PPM1L: variants seen among roughly 807,000 people sequenced by gnomAD.
PPM1L encodes the protein protein phosphatase, Mg2+/Mn2+ dependent 1L.
Under a neutral mutation model 31.4 loss-of-function variants are expected in PPM1L, and 13 were observed. That is an observed-to-expected ratio of 0.41 (90% CI 0.27 to 0.66). The LOEUF (loss-of-function observed/expected upper bound fraction) is 0.66, where lower values mean the gene tolerates loss of function less well. PPM1L is among the 30% of genes least tolerant of loss of function. The pLI, the probability that PPM1L is intolerant of heterozygous loss-of-function variation, is 0.29. For missense variants in PPM1L, 326 were observed against 453.7 expected (o/e 0.72, Z 2.56); for synonymous variants, 184 against 175.4 (o/e 1.05, Z -0.39).
chr3:160,777,147 AC>A (rs966931996), intron 1 of PPM1L, among the ~76,000 whole-genome samples: 24 of 151,864 alleles, frequency 1.6e-4, no homozygotes, highest in African/African-American at 5.8e-4. Context: ...ACAGAGTGAG[AC>A]CTCATCTCTA....
intron 1 of PPM1L, among the ~76,000 whole-genome samples, chr3:160,770,022 G>A (rs1380751363): frequency 1.3e-5 from 2 of 152,110 alleles, no homozygotes; most frequent in Non-Finnish European, 2.9e-5. Context: ...ACTATAAACT[G>A]ATTACAATGA....
intron 2 of PPM1L, among the ~76,000 whole-genome samples, chr3:160,978,553 G>A (rs1193385571): frequency 2.0e-5 from 3 of 152,184 alleles, no homozygotes; most frequent in Non-Finnish European, 2.9e-5. Context: ...CTGAGGGCCA[G>A]GCACAGTGGC....
chr3:160,791,950 T>C (rs1712120034), intron 1 of PPM1L, among the ~76,000 whole-genome samples: 1 of 152,154 alleles, frequency 6.6e-6, no homozygotes, highest in Non-Finnish European at 1.5e-5. Flanking sequence ...TCTTGAGGGA[T>C]CTCATTGGCT....
At position 160,875,740 on chromosome 3, in the gene PPM1L, A is replaced by G. The variant is rs565390691; in HGVS notation, c.400-85996A>G. ...TAGGTGAAGAAACACATTTAGGTTA[A>G]GTAAAACTTTCCCAGGTCACATAGC... On this transcript the variant is annotated intron_variant, in intron 1 of 3. Coordinates refer to ENST00000498165, the MANE Select transcript of PPM1L (RefSeq NM_139245.4). 5.3e-5 allele frequency among the ~76,000 whole-genome samples: 8 copies of G among 152,332 alleles called. No individual in the cohort carries two copies. The South Asian group carries it at 1.5e-3, about 28-fold the overall frequency.
At chr3:160,846,461 A>T (rs985529303) in intron 1 of PPM1L, among the ~76,000 whole-genome samples, 13 of 152,138 alleles carry the variant, frequency 8.5e-5, no homozygotes, top group Admixed American at 3.3e-4. Context: ...TTTTCCAGTC[A>T]TGCTTTATAC....
chr3:160,776,631 TCTCA>T (rs964690709), intron 1 of PPM1L, among the ~76,000 whole-genome samples: 5 of 144,716 alleles, frequency 3.5e-5, no homozygotes, highest in African/African-American at 1.3e-4. Context: ...GGAGACAGAG[TCTCA>T]CTCAGTCGCC....
chr3:160,815,321 T>C (rs78133279), intron 1 of PPM1L, among the ~76,000 whole-genome samples: 2,074 of 152,300 alleles, frequency 0.014, 51 homozygotes, highest in African/African-American at 0.048. Flanking sequence ...CACTCCAGCA[T>C]AAATGCTGTC....
rs903138715 is a variant in PPM1L at position 160,842,142 on chromosome 3, T to C, written c.399+85435T>C. Reference sequence around the variant, plus strand: ...CAGGGTTTCAGAAGGAGAGAGATTTTGTGTGCGTGCATCCTGAAATAGTTG... The same window carrying C: ...CAGGGTTTCAGAAGGAGAGAGATTTCGTGTGCGTGCATCCTGAAATAGTTG... On this transcript the variant is annotated intron_variant, in intron 1 of 3. Transcript: ENST00000498165. 32 of 640,408 alleles carry C rather than the reference T, an allele frequency of 5.0e-5. 1 individual carries two copies. The South Asian group carries it at 5.5e-4, about 11-fold the overall frequency. 39.7% of individuals were successfully genotyped at this position (640,408 alleles called of 1,614,324 possible). A position where few individuals can be genotyped will look rare whatever the true frequency, so the allele number is the denominator to read the frequency against.
chr3:160,949,356 A>G (rs1220206020), intron 1 of PPM1L, among the ~76,000 whole-genome samples: 1 of 152,190 alleles, frequency 6.6e-6, no homozygotes, highest in Non-Finnish European at 1.5e-5. Flanking sequence ...AATAATACAA[A>G]AATATTTGAA....
chr3:160,888,192 TA>T (rs1391173372), intron 1 of PPM1L, among the ~76,000 whole-genome samples: 1 of 152,124 alleles, frequency 6.6e-6, no homozygotes, highest in Non-Finnish European at 1.5e-5. Flanking sequence ...ATACTAACCT[TA>T]AATGTAAATG....
intron 1 of PPM1L, among the ~76,000 whole-genome samples, chr3:160,802,900 A>C (rs780157050): frequency 4.6e-5 from 7 of 152,194 alleles, no homozygotes; most frequent in Admixed American, 1.3e-4. Flanking sequence ...CTCACTACTC[A>C]TGTCACTGGT....
At chr3:160,966,896 A>G (rs909429191) in intron 2 of PPM1L, among the ~76,000 whole-genome samples, 1 of 152,082 alleles carries the variant, frequency 6.6e-6, no homozygotes. Flanking sequence ...AGGTTCAATA[A>G]TGTTTTTTAT....
intron 1 of PPM1L, among the ~76,000 whole-genome samples, chr3:160,786,872 A>C (rs1052492104): frequency 6.6e-6 from 1 of 152,014 alleles, no homozygotes; most frequent in Non-Finnish European, 1.5e-5. Context: ...TTCTCTGTTA[A>C]TTTGATTAGG....
intron 1 of PPM1L, among the ~76,000 whole-genome samples, chr3:160,937,625 A>T (rs1481968610): frequency 6.6e-6 from 1 of 151,988 alleles, no homozygotes; most frequent in Non-Finnish European, 1.5e-5. Context: ...GTCTCAAAAA[A>T]AAACAAAAAA....
chr3:160,941,507 A>T (rs1715161813), intron 1 of PPM1L, among the ~76,000 whole-genome samples: 1 of 152,222 alleles, frequency 6.6e-6, no homozygotes, highest in East Asian at 1.9e-4. Flanking sequence ...CATGATAGTG[A>T]ATAAGTCTCA....
intron 2 of PPM1L, among the ~76,000 whole-genome samples, chr3:160,985,791 T>A (rs1447984038): frequency 6.6e-6 from 1 of 152,050 alleles, no homozygotes. Flanking sequence ...CTAAAAATAT[T>A]TTTTTTTCAT....
rs1718248941 is a variant in PPM1L, at chr3:161,022,072, T to C, written c.575-43331T>C. 5.1e-6 allele frequency: 3 copies of C among 593,996 alleles called. No homozygotes were observed. The South Asian group carries it at 6.1e-5, about 12-fold the overall frequency. 36.8% of individuals were successfully genotyped at this position (593,996 alleles called of 1,614,324 possible). A position where few individuals can be genotyped will look rare whatever the true frequency, so the allele number is the denominator to read the frequency against. ...TTTTTATATGTCTTATGTATTTTGT[T>C]CCTTTATCACTCCATTATTGCATAC... On this transcript the variant is annotated intron_variant, in intron 2 of 3. Transcript: ENST00000498165.
intron 1 of PPM1L, among the ~76,000 whole-genome samples, chr3:160,795,324 A>G (rs1400671194): frequency 2.0e-5 from 3 of 152,172 alleles, no homozygotes; most frequent in African/African-American, 7.2e-5. Flanking sequence ...GGGGCTGGAT[A>G]TTTGTTTATT....
chr3:160,909,663 G>A (rs1426107248), intron 1 of PPM1L, among the ~76,000 whole-genome samples: 1 of 152,142 alleles, frequency 6.6e-6, no homozygotes, highest in Non-Finnish European at 1.5e-5. Flanking sequence ...CCTACAGAGA[G>A]GTTGGACAAA....
Sources: gnomAD v4.1 joint callset for allele counts (sites outside exome capture counted in the v4.1 genomes callset) on GRCh38, gnomAD v4.1.1 for gene constraint, MANE v1.5 for transcripts, NCBI Gene and HGNC (gene_info 2026-07-23, HGNC 2026-07-21) for gene names.